Variants in GRID1 observed in about 807,000 individuals in gnomAD.
GRID1 encodes the protein glutamate receptor ionotropic, delta-1.
Under a neutral mutation model 98.0 loss-of-function variants are expected in GRID1, and 28 were observed. The ratio of observed to expected loss-of-function variants is 0.29; its 90% CI spans 0.21 to 0.39. The LOEUF is 0.39. GRID1 is among the 10% of genes least tolerant of loss of function. The probability of loss-of-function intolerance (pLI) is 1.00; values close to 1 mark genes in which losing one functional copy is unlikely to be tolerated. For missense variants in GRID1, 1,111 were observed against 1,340.5 expected, an observed-to-expected ratio of 0.83 and a Z score of 2.67; for synonymous variants, 553 against 538.5, an observed-to-expected ratio of 1.03 and a Z score of -0.37.
At chr10:85,789,729 G>A (rs7071221) in intron 8 of GRID1, among the ~76,000 whole-genome samples, 17,561 of 152,092 alleles carry the variant, frequency 0.12, 1,862 homozygotes, top group East Asian at 0.32. Flanking sequence ...CAATCCCCCA[G>A]GAACCCAGGA....
intron 2 of GRID1, among the ~76,000 whole-genome samples, chr10:86,235,816 C>T (rs1277331242): frequency 1.3e-5 from 2 of 152,178 alleles, no homozygotes; most frequent in African/African-American, 2.4e-5. Context: ...GTGTTGTATC[C>T]AGTTTGAGGC....
At chr10:86,332,774 C>T (rs1848166504) in intron 2 of GRID1, among the ~76,000 whole-genome samples, 1 of 102,982 alleles carries the variant, frequency 9.7e-6, no homozygotes, top group African/African-American at 4.5e-5. Flanking sequence ...TCCCCTGCTC[C>T]TCCCTGACTC....
At position 85,951,020 on chromosome 10, in the gene GRID1, G is replaced by A. The variant is rs150595130; in HGVS notation, c.727-34781C>T. On this transcript the variant is annotated intron_variant, in intron 4 of 15. Transcript: ENST00000327946. ...TTCCATTGGGAAATGGCCCCTGCAG[G>A]ACTCCATCTGGCTCTGGTTAGATAC... 2.0e-3 allele frequency among the ~76,000 whole-genome samples: 303 copies of A among 152,078 alleles called. 1 individual carries two copies. Among genetic ancestry groups the A allele is most frequent in the Non-Finnish European group, 3.6e-3 (246 of 67,998 alleles).
intron 2 of GRID1, among the ~76,000 whole-genome samples, chr10:86,327,009 G>A (rs933700928): frequency 2.0e-5 from 3 of 152,190 alleles, no homozygotes; most frequent in South Asian, 2.1e-4. Context: ...TGGTGGCAGC[G>A]ACTGTAATTC....
At chr10:86,131,519 C>T (rs1366791945) in intron 4 of GRID1, among the ~76,000 whole-genome samples, 1 of 152,146 alleles carries the variant, frequency 6.6e-6, no homozygotes, top group Admixed American at 6.5e-5. Flanking sequence ...CAGGCCCATG[C>T]TTCAGGTTCA....
intron 12 of GRID1, chr10:85,650,006 C>T (rs760556427): frequency 6.6e-6 from 1 of 152,386 alleles, no homozygotes; most frequent in East Asian, 1.9e-4. Context: ...ATGCCCAGCA[C>T]AGGGGGCACT....
chr10:85,741,786 T>G (rs1257053382), intron 8 of GRID1, among the ~76,000 whole-genome samples: 2 of 152,084 alleles, frequency 1.3e-5, no homozygotes, highest in Non-Finnish European at 2.9e-5. Context: ...ATGTCTGCCT[T>G]TAACCCCAAC....
chr10:86,019,242 G>A (rs914498517), intron 4 of GRID1, among the ~76,000 whole-genome samples: 4 of 152,218 alleles, frequency 2.6e-5, no homozygotes, highest in African/African-American at 7.2e-5. Context: ...CTGCACACCC[G>A]CATCCCCAGC....
At chr10:85,645,561 C>A (rs1843176521) in intron 13 of GRID1, 1 of 152,196 alleles carries the variant, frequency 6.6e-6, no homozygotes, top group Admixed American at 6.5e-5. Flanking sequence ...TATGTATTTT[C>A]AGATCATTTA....
chr10:85,731,997 T>C (rs967818288), intron 8 of GRID1, among the ~76,000 whole-genome samples: 1 of 151,910 alleles, frequency 6.6e-6, no homozygotes, highest in Non-Finnish European at 1.5e-5. Context: ...TGCATTAAGA[T>C]ACAGAATTGG....
chr10:86,271,549 G>A (rs1351308971), intron 2 of GRID1, among the ~76,000 whole-genome samples: 4 of 152,184 alleles, frequency 2.6e-5, no homozygotes, highest in South Asian at 2.1e-4. Context: ...ATGTTCAAAC[G>A]TTAAGTAGAG....
At chr10:86,178,221 A>G (rs1845604917) in intron 3 of GRID1, among the ~76,000 whole-genome samples, 1 of 152,136 alleles carries the variant, frequency 6.6e-6, no homozygotes, top group African/African-American at 2.4e-5. Flanking sequence ...TTGTCTCCCA[A>G]ATGACCTCTG....
intron 8 of GRID1, among the ~76,000 whole-genome samples, chr10:85,821,661 T>C (rs914009802): frequency 6.6e-6 from 1 of 151,614 alleles, no homozygotes; most frequent in African/African-American, 2.4e-5. Context: ...GTAACAAAAA[T>C]TTGGGTGTCT....
intron 6 of GRID1, among the ~76,000 whole-genome samples, chr10:85,856,486 A>G (rs1843111182): frequency 6.6e-6 from 1 of 152,160 alleles, no homozygotes; most frequent in African/African-American, 2.4e-5. Context: ...TAAGTTACCT[A>G]CTCAGGTAAG....
At chr10:86,126,940 T>C (rs1206908912) in intron 4 of GRID1, among the ~76,000 whole-genome samples, 2 of 152,254 alleles carry the variant, frequency 1.3e-5, no homozygotes, top group African/African-American at 4.8e-5. Flanking sequence ...CATAGGCATT[T>C]GGATTTATGA....
In GRID1 at chr10:85,599,821, A is replaced by ATATATATATATATATATATAT. The variant is rs1470286241; in HGVS notation, c.*2451_*2452insATATATATATATATATATATA. 1 of 129,338 alleles carries ATATATATATATATATATATAT rather than the reference A, an allele frequency of 7.7e-6. No individual in the cohort carries two copies. The allele number at this position is 129,338 out of a possible 1,614,324, so 8.0% of individuals were successfully genotyped here. On this transcript the variant is annotated 3_prime_UTR_variant, in exon 16 of 16. Transcript: ENST00000327946. ...AAAAAAAATATATATATATATATAT[A>ATATATATATATATATATATAT]AACATGGTGAAGAATAACACCATGA...
chr10:85,918,311 G>C (rs1315777001), intron 4 of GRID1, among the ~76,000 whole-genome samples: 1 of 152,168 alleles, frequency 6.6e-6, no homozygotes, highest in African/African-American at 2.4e-5. Context: ...ACACTCTTGA[G>C]GAAAAACCAA....
At chr10:85,708,051 CAT>C (rs1217713828) in intron 12 of GRID1, among the ~76,000 whole-genome samples, 5 of 149,622 alleles carry the variant, frequency 3.3e-5, no homozygotes, top group South Asian at 2.1e-4. Flanking sequence ...CAACATGGCA[CAT>C]GTGTATATAT....
chr10:85,770,950 C>A (rs914572424), intron 8 of GRID1, among the ~76,000 whole-genome samples: 3 of 152,154 alleles, frequency 2.0e-5, no homozygotes, highest in African/African-American at 7.2e-5. Flanking sequence ...GGCCAACATT[C>A]AGATTCAGGA....
Sources: gnomAD v4.1 joint callset for allele counts (sites outside exome capture counted in the v4.1 genomes callset) on GRCh38, gnomAD v4.1.1 for gene constraint, MANE v1.5 for transcripts, NCBI Gene and HGNC (gene_info 2026-07-23, HGNC 2026-07-21) for gene names.